Variants in COL28A1 observed in about 807,000 individuals in gnomAD.
COL28A1 encodes collagen alpha-1(XXVIII) chain.
A neutral mutation model predicts 150.2 loss-of-function variants in COL28A1; 161 were observed. That is an observed-to-expected ratio of 1.07 (90% CI 0.94 to 1.22). The LOEUF (loss-of-function observed/expected upper bound fraction) is 1.22. Among genes scored for constraint, COL28A1 ranks in the 50% most tolerant of loss-of-function variants. The pLI is 0.00. For missense variants in COL28A1, 1,617 were observed against 1,388.3 expected (o/e 1.16, Z -2.62); for synonymous variants, 552 against 469.7 (o/e 1.18, Z -2.26).
At chr7:7,340,351 A>C in the COL28A1 span, among the ~76,000 whole-genome samples, 1 of 152,220 alleles carries the variant, frequency 6.6e-6, no homozygotes, top group East Asian at 1.9e-4. Flanking sequence ...TACATAGGAA[A>C]ACCTGCTAAC....
intron 27 of COL28A1, among the ~76,000 whole-genome samples, chr7:7,405,978 C>A (rs564896420): frequency 6.6e-6 from 1 of 152,234 alleles, no homozygotes; most frequent in East Asian, 1.9e-4. Context: ...AGACACAATA[C>A]CCTTAGCTTT....
At chr7:7,540,269 C>A (rs1782761756), upstream of COL28A1, among the ~76,000 whole-genome samples, 1 of 152,190 alleles carries the variant, frequency 6.6e-6, no homozygotes, top group Non-Finnish European at 1.5e-5. Context: ...TATACCTTGA[C>A]TAAACTCTGC....
Position 7,531,376 on chromosome 7 carries a change from G to A in COL28A1, c.653C>T (p.Thr218Ile), listed in dbSNP as rs759378396. ...SEPTLLLSDP[T>I]LVDKIQDRLD... ...ACGATCTTGAATTTTATCTACAAGG[G>A]TTGGATCACTCAACAGTAAAGTGGG... Residue 218 changes from threonine to isoleucine, a missense_variant, in exon 3 of 35, where the codon ACC becomes ATC. Physicochemically the swap from Thr to Ile is moderately conservative, Grantham distance 89. Coordinates refer to ENST00000399429, the MANE Select transcript of COL28A1 (RefSeq NM_001037763.3). 4 of 1,567,112 alleles carry A rather than the reference G, an allele frequency of 2.6e-6. No homozygotes were observed. The highest frequency in any genetic ancestry group is 2.3e-5 in the South Asian group (2 of 85,544).
At chr7:7,345,734 G>A in the COL28A1 span, among the ~76,000 whole-genome samples, 93,136 of 151,834 alleles carry the variant, frequency 0.61, 32,564 homozygotes, top group East Asian at 0.87. Context: ...TGGTCCCCTG[G>A]ATGTAATGTG....
intron 27 of COL28A1, among the ~76,000 whole-genome samples, chr7:7,406,989 T>C (rs1376340364): frequency 6.6e-6 from 1 of 152,084 alleles, no homozygotes; most frequent in Non-Finnish European, 1.5e-5. Context: ...ATGTGGGTTT[T>C]AAAAAATCAA....
At chr7:7,343,825 T>C in the COL28A1 span, among the ~76,000 whole-genome samples, 13,788 of 151,854 alleles carry the variant, frequency 0.091, 2,143 homozygotes, top group African/African-American at 0.32. Context: ...CTGAGCAACA[T>C]AGTGAGACTT....
chr7:7,407,276 A>G (rs1287608872), intron 27 of COL28A1, among the ~76,000 whole-genome samples: 1 of 152,094 alleles, frequency 6.6e-6, no homozygotes, highest in Non-Finnish European at 1.5e-5. Context: ...GTCAGAAGCA[A>G]TCTTTGAAAA....
rs2128354500 is a variant in COL28A1, at chr7:7,477,108, T to G, written c.1233+4A>C. 1 of 1,122,894 alleles carries G rather than the reference T, an allele frequency of 8.9e-7. No homozygotes were observed. The highest frequency in any genetic ancestry group is 1.2e-5 in the South Asian group (1 of 81,516). The allele number at this position is 1,122,894 out of a possible 1,614,324, so 69.6% of individuals were successfully genotyped here. ...CCTTTTCCTGGTACAGAAGGTATTGTTACCTTTGGTCCTGGAAATCCTTCT... is the reference window on the plus strand; with the variant it reads ...CCTTTTCCTGGTACAGAAGGTATTGGTACCTTTGGTCCTGGAAATCCTTCT... On this transcript the variant is annotated splice_donor_region_variant and intron_variant, in intron 14 of 34. Transcript: ENST00000399429.
At chr7:7,541,449 T>C in the COL28A1 span, among the ~76,000 whole-genome samples, 1 of 152,220 alleles carries the variant, frequency 6.6e-6, no homozygotes. Flanking sequence ...ATAATGTTAT[T>C]TAATGTTGAG....
intron 8 of COL28A1, chr7:7,511,813 T>C (rs1219364526): frequency 2.1e-6 from 1 of 470,898 alleles, no homozygotes; most frequent in Non-Finnish European, 4.4e-6. Flanking sequence ...TTCATTATTA[T>C]GCTCTACTTC....
intron 15 of COL28A1, among the ~76,000 whole-genome samples, chr7:7,467,790 A>G (rs1788155181): frequency 7.8e-6 from 1 of 128,306 alleles, no homozygotes. Flanking sequence ...ACTAGAACTC[A>G]GGATTAAAAA....
intron 11 of COL28A1, among the ~76,000 whole-genome samples, chr7:7,503,336 A>G (rs1395648296): frequency 6.6e-6 from 1 of 152,252 alleles, no homozygotes; most frequent in Non-Finnish European, 1.5e-5. Context: ...TGGTATTAGT[A>G]TTAAATGAGC....
At chr7:7,479,219 T>G (rs1789195635) in intron 13 of COL28A1, among the ~76,000 whole-genome samples, 1 of 152,234 alleles carries the variant, frequency 6.6e-6, no homozygotes, top group Non-Finnish European at 1.5e-5. Flanking sequence ...GTTTAAATTT[T>G]TAGTGAGAAT....
At chr7:7,483,053 C>A (rs1437767861) in intron 13 of COL28A1, among the ~76,000 whole-genome samples, 2 of 152,170 alleles carry the variant, frequency 1.3e-5, no homozygotes. Context: ...GACAGACAGT[C>A]TCCAACTTAA....
chr7:7,512,341 A>C (rs1781190453), intron 8 of COL28A1, among the ~76,000 whole-genome samples: 2 of 152,158 alleles, frequency 1.3e-5, no homozygotes, highest in South Asian at 4.1e-4. Context: ...AAATCACTAA[A>C]AGGGTAGATT....
At chr7:7,343,044 T>A in the COL28A1 span, among the ~76,000 whole-genome samples, 1 of 152,036 alleles carries the variant, frequency 6.6e-6, no homozygotes, top group Non-Finnish European at 1.5e-5. Flanking sequence ...TCCTTCACTG[T>A]CCTTTAGTTT....
chr7:7,365,338 G>C (rs1166261439), intron 33 of COL28A1, among the ~76,000 whole-genome samples: 2 of 142,288 alleles, frequency 1.4e-5, no homozygotes, highest in African/African-American at 5.0e-5. Context: ...CCTTGGAAAA[G>C]AAGGCTAGCT....
At chr7:7,490,442 C>A (rs558146556) in intron 12 of COL28A1, 136 bp downstream of exon 12, 15 of 490,658 alleles carry the variant, frequency 3.1e-5, no homozygotes, top group African/African-American at 2.6e-4. Flanking sequence ...TGTGTCCAAG[C>A]ACATAAAATG....
chr7:7,385,343 T>C (rs938507588), intron 27 of COL28A1, among the ~76,000 whole-genome samples: 1 of 152,118 alleles, frequency 6.6e-6, no homozygotes, highest in African/African-American at 2.4e-5. Flanking sequence ...TAAGACAGAC[T>C]AAAGGCTCAT....
Sources: allele counts gnomAD v4.1 joint callset (sites outside exome capture counted in the v4.1 genomes callset), GRCh38; gene constraint gnomAD v4.1.1; transcripts MANE v1.5; gene names NCBI Gene and HGNC (gene_info 2026-07-23, HGNC 2026-07-21).